C2CD5: variants seen among roughly 807,000 people sequenced by gnomAD.
C2CD5 encodes C2 domain-containing protein 5.
In C2CD5, 109 loss-of-function variants were observed where a neutral mutation model predicts 130.3. The ratio of observed to expected loss-of-function variants is 0.84; its 90% CI spans 0.72 to 0.98. The LOEUF (loss-of-function observed/expected upper bound fraction) is 0.98. Ranked by LOEUF, C2CD5 falls within the 50% of genes least tolerant of loss-of-function variation. The probability of loss-of-function intolerance (pLI) is 0.00; values close to 1 mark genes in which losing one functional copy is unlikely to be tolerated. For synonymous variants in C2CD5, 454 were observed against 429.2 expected, an observed-to-expected ratio of 1.06 and a Z score of -0.71; for missense variants, 996 against 1,261.8, an observed-to-expected ratio of 0.79 and a Z score of 3.19.
chr12:22,452,345 A>G (rs1349128039), intron 26 of C2CD5, among the ~76,000 whole-genome samples: 1 of 152,078 alleles, frequency 6.6e-6, no homozygotes, highest in East Asian at 1.9e-4. Flanking sequence ...GTGTAGAGGT[A>G]GTTCGCAGCC....
intron 7 of C2CD5, chr12:22,518,976 A>T: frequency 4.6e-6 from 3 of 645,746 alleles, no homozygotes; most frequent in Non-Finnish European, 7.5e-6. Context: ...GAAGTTCCTC[A>T]CTGCAGCTGG....
At chr12:22,507,369 A>C (rs1346147109) in intron 9 of C2CD5, among the ~76,000 whole-genome samples, 2 of 152,224 alleles carry the variant, frequency 1.3e-5, no homozygotes, top group Non-Finnish European at 2.9e-5. Flanking sequence ...GTAGAGAATC[A>C]TTGTGTGAGG....
chr12:22,497,950 T>A (rs1947265374), intron 10 of C2CD5, among the ~76,000 whole-genome samples: 1 of 149,844 alleles, frequency 6.7e-6, no homozygotes, highest in South Asian at 2.1e-4. Flanking sequence ...ACAATGTAAC[T>A]GGATTTTCAT....
intron 3 of C2CD5, among the ~76,000 whole-genome samples, 162 bp from the exon 4 acceptor site, chr12:22,528,054 G>C (rs913096090): frequency 1.3e-5 from 2 of 152,042 alleles, no homozygotes; most frequent in Non-Finnish European, 2.9e-5. Flanking sequence ...AAAAGATATA[G>C]CTCCTTTTCC....
rs370012972 is a variant in C2CD5, at chr12:22,474,817, T to G, written c.1977A>C (p.Ser659=). The change falls in exon 16 of 27, where the codon TCA becomes TCC. Residue 659 remains serine (S), a synonymous_variant. Coordinates refer to ENST00000446597, the MANE Select transcript of C2CD5 (RefSeq NM_001286176.2). ...ATTCTGTAACTTCATCCGAGCTTTC[T>G]GATTGAGATCTTAGAAGTCTTGAGC... ...RQRSRLLRSQ[S]ESSDEVTELD... is the part of the protein sequence containing the mutation. 7.5e-6 allele frequency: 12 copies of G among 1,610,410 alleles called. No homozygotes were observed. The highest frequency in any genetic ancestry group is 3.3e-5 in the Admixed American group (2 of 59,744).
At chr12:22,471,274 A>AT in intron 20 of C2CD5, 125 bp downstream of exon 20, 3 of 626,136 alleles carry the variant, frequency 4.8e-6, no homozygotes, top group Non-Finnish European at 5.6e-6. Context: ...ACTAACATAT[A>AT]TTTTTTAATA....
chr12:22,451,988 A>T (rs2135938484), intron 26 of C2CD5, among the ~76,000 whole-genome samples: 1 of 152,282 alleles, frequency 6.6e-6, no homozygotes, highest in East Asian at 1.9e-4. Context: ...AATGTTATAG[A>T]TGAGAAAACT....
chr12:22,491,881 A>C (rs1214635673), intron 11 of C2CD5, among the ~76,000 whole-genome samples: 16 of 151,884 alleles, frequency 1.1e-4, no homozygotes, highest in Non-Finnish European at 2.4e-4. Flanking sequence ...CAAAAAACAA[A>C]AAAAAAAACG....
intron 2 of C2CD5, among the ~76,000 whole-genome samples, chr12:22,539,930 T>G (rs1397754383): frequency 6.8e-6 from 1 of 147,090 alleles, no homozygotes; most frequent in Non-Finnish European, 1.5e-5. Context: ...AGGCAGAGTT[T>G]ACAGTGAGCT....
chr12:22,511,132 C>A (rs1949141945), intron 9 of C2CD5, among the ~76,000 whole-genome samples: 1 of 147,866 alleles, frequency 6.8e-6, no homozygotes, highest in Non-Finnish European at 1.5e-5. Flanking sequence ...CTTGAATAAT[C>A]CGTAAAAGAG....
At chr12:22,470,518 C>T (rs1314352587) in intron 21 of C2CD5, among the ~76,000 whole-genome samples, 1 of 152,068 alleles carries the variant, frequency 6.6e-6, no homozygotes, top group East Asian at 1.9e-4. Flanking sequence ...CCTTGAAGAC[C>T]TTGCCAGAGA....
intron 9 of C2CD5, among the ~76,000 whole-genome samples, chr12:22,507,333 T>C (rs911824048): frequency 2.0e-5 from 3 of 152,142 alleles, no homozygotes; most frequent in Non-Finnish European, 2.9e-5. Flanking sequence ...AGAAAGAGGA[T>C]AGTGGCAAAT....
At chr12:22,488,933 G>A (rs1945976552) in intron 12 of C2CD5, among the ~76,000 whole-genome samples, 1 of 150,276 alleles carries the variant, frequency 6.7e-6, no homozygotes, top group African/African-American at 2.5e-5. Context: ...GAACAGTGGT[G>A]CCATCTTGGC....
chr12:22,494,911 T>G (rs1385379639), intron 10 of C2CD5, among the ~76,000 whole-genome samples: 1 of 152,032 alleles, frequency 6.6e-6, no homozygotes, highest in East Asian at 1.9e-4. Context: ...TTCTAAGACA[T>G]ACACACTTAC....
At chr12:22,503,612 G>A (rs970866733) in intron 10 of C2CD5, among the ~76,000 whole-genome samples, 5 of 152,098 alleles carry the variant, frequency 3.3e-5, no homozygotes, top group East Asian at 1.9e-4. Flanking sequence ...TAGGGTCCAA[G>A]TGATCCTCCT....
chr12:22,523,457 C>A lies in C2CD5; in HGVS notation c.769G>T (p.Ala257Ser). 6.2e-7 allele frequency: 1 copy of A among 1,613,866 alleles called. No individual in the cohort carries two copies. Among genetic ancestry groups the A allele is most frequent in the Non-Finnish European group, 8.5e-7 (1 of 1,179,872 alleles). ...ATTTCTTTGGATGGGGAATTACATG[C>A]AGGAAGGAATGCTGCTGGGCTACTT... ...KLSSPAAFLP[A>S]CNSPSKEMKE... The change falls in exon 7 of 27, where the codon GCA becomes TCA. Residue 257 changes from alanine to serine, a missense_variant. Coordinates refer to ENST00000446597, the MANE Select transcript of C2CD5 (RefSeq NM_001286176.2).
chr12:22,458,090 A>C (rs988585374), intron 24 of C2CD5, among the ~76,000 whole-genome samples: 2 of 152,168 alleles, frequency 1.3e-5, no homozygotes, highest in African/African-American at 4.8e-5. Context: ...TCTCACCATA[A>C]ATTCTTTATT....
Position 22,478,482 on chromosome 12 carries a change from T to TA in C2CD5, c.1738-6dup, listed in dbSNP as rs1456206467. On this transcript the variant is annotated splice_region_variant and splice_polypyrimidine_tract_variant and intron_variant, in intron 14 of 26. Transcript: ENST00000446597. ...TAAATACACACCTGTGGCAGACTTG[T>TA]AAAAAATAATGGGGAAATAATCAGA... is the stretch of plus-strand genomic sequence containing the variant. 3 of 1,609,430 alleles carry TA rather than the reference T, an allele frequency of 1.9e-6. No homozygotes were observed. The Admixed American group carries it at 5.0e-5, about 27-fold the overall frequency.
chr12:22,451,340 T>A (rs1202784044), intron 26 of C2CD5, among the ~76,000 whole-genome samples: 1 of 152,158 alleles, frequency 6.6e-6, no homozygotes, highest in African/African-American at 2.4e-5. Context: ...ACAGGCCCAC[T>A]GAGGCTTCAA....
Sources: allele counts gnomAD v4.1 joint callset (sites outside exome capture counted in the v4.1 genomes callset), GRCh38; gene constraint gnomAD v4.1.1; transcripts MANE v1.5; gene names NCBI Gene and HGNC (gene_info 2026-07-23, HGNC 2026-07-21).